Variants in PRMT8 observed in about 807,000 individuals in gnomAD.
PRMT8 encodes protein arginine N-methyltransferase 8.
Under a neutral mutation model 47.1 loss-of-function variants are expected in PRMT8, and 7 were observed. The ratio of observed to expected loss-of-function variants is 0.15; its 90% CI spans 0.08 to 0.28. The LOEUF (loss-of-function observed/expected upper bound fraction) is 0.28, where lower values mean the gene tolerates loss of function less well. Among genes scored for constraint, PRMT8 ranks in the 10% least tolerant of loss-of-function variants. The pLI, the probability that PRMT8 is intolerant of heterozygous loss-of-function variation, is 1.00. For missense variants in PRMT8, 237 were observed against 505.4 expected (o/e 0.47, Z 5.09); for synonymous variants, 188 against 186.5 (o/e 1.01, Z -0.07).
intron 1 of PRMT8, among the ~76,000 whole-genome samples, chr12:3,533,657 G>A (rs913606451): frequency 6.6e-6 from 1 of 152,218 alleles, no homozygotes; most frequent in African/African-American, 2.4e-5. Context: ...CTCTGAGGGG[G>A]CTGACTTCAT....
chr12:3,533,911 A>T (rs1591589693), intron 1 of PRMT8, among the ~76,000 whole-genome samples: 1 of 152,236 alleles, frequency 6.6e-6, no homozygotes, highest in African/African-American at 2.4e-5. Context: ...TGGAAGAGCT[A>T]ACCCTTTGTG....
At chr12:3,450,757 T>G (rs1864907620) in intron 1 of PRMT8, among the ~76,000 whole-genome samples, 1 of 152,266 alleles carries the variant, frequency 6.6e-6, no homozygotes, top group African/African-American at 2.4e-5. Flanking sequence ...TCACAGAGAC[T>G]ATTTTAAAAA....
chr12:3,392,664 A>G (rs181916215), intron 1 of PRMT8, among the ~76,000 whole-genome samples: 1,715 of 152,104 alleles, frequency 0.011, 38 homozygotes, highest in African/African-American at 0.039. Context: ...TAATGCCGCA[A>G]TAAACATACG....
intron 1 of PRMT8, among the ~76,000 whole-genome samples, chr12:3,438,235 C>T (rs959795274): frequency 3.3e-5 from 5 of 152,170 alleles, no homozygotes; most frequent in Admixed American, 6.5e-5. Context: ...TGGAGAGGGT[C>T]TTATGCAAGG....
chr12:3,499,307 T>C (rs1356784950), intron 1 of PRMT8, among the ~76,000 whole-genome samples: 1 of 111,020 alleles, frequency 9.0e-6, no homozygotes, highest in African/African-American at 3.7e-5. Context: ...TAATGTGTCA[T>C]CTAGCATTAG....
chr12:3,427,954 T>A (rs147412392), intron 1 of PRMT8, among the ~76,000 whole-genome samples: 1 of 152,354 alleles, frequency 6.6e-6, no homozygotes, highest in East Asian at 1.9e-4. Context: ...ATTGTTAACT[T>A]TTAGCAAATT....
chr12:3,591,792 A>T (rs150534657), intron 8 of PRMT8, among the ~76,000 whole-genome samples: 127 of 152,252 alleles, frequency 8.3e-4, no homozygotes, highest in African/African-American at 3.0e-3. Flanking sequence ...GAATGATGTC[A>T]TTTAAGGGGA....
chr12:3,569,697 C>T lies in PRMT8; in HGVS notation c.712+133C>T. On this transcript the variant is annotated intron_variant, in intron 6 of 9. Transcript: ENST00000382622. The surrounding 1 kb of genome is among the most constrained non-coding windows in gnomAD (Gnocchi z 8.2). Reference sequence around the variant, plus strand: ...CCTGAAGAGGAGCTTATCTGGGACCCTTTCTGGAGTCTGCTCTCTAAATGT... The same window carrying T: ...CCTGAAGAGGAGCTTATCTGGGACCTTTTCTGGAGTCTGCTCTCTAAATGT... 2 of 743,580 alleles carry T rather than the reference C, an allele frequency of 2.7e-6. No homozygotes were observed. The highest frequency in any genetic ancestry group is 1.5e-5 in the South Asian group (1 of 65,306). The allele number at this position is 743,580 out of a possible 1,614,324, so 46.1% of individuals were successfully genotyped here.
intron 1 of PRMT8, among the ~76,000 whole-genome samples, chr12:3,411,084 G>T (rs1261559750): frequency 6.6e-6 from 1 of 152,182 alleles, no homozygotes; most frequent in Non-Finnish European, 1.5e-5. Flanking sequence ...TGGAGGGCTG[G>T]TTTACTCTTG....
chr12:3,421,966 C>G lies in PRMT8; in HGVS notation c.48+40524C>G, dbSNP rs917573565. On this transcript the variant is annotated intron_variant, in intron 1 of 9. Transcript: ENST00000452611. ...GGCTCCAGCTCTGGGCAGCATGGCC[C>G]CCCTCCTCAGTGCACTCCCAGGGGC... 7.9e-5 allele frequency among the ~76,000 whole-genome samples: 12 copies of G among 152,150 alleles called. 1 individual carries two copies. The highest frequency in any genetic ancestry group is 5.9e-4 in the Admixed American group (9 of 15,290).
intron 1 of PRMT8, among the ~76,000 whole-genome samples, chr12:3,427,181 A>G (rs1864614571): frequency 6.6e-6 from 1 of 152,200 alleles, no homozygotes; most frequent in African/African-American, 2.4e-5. Context: ...TATACCAGAT[A>G]AGCTGAATTT....
chr12:3,525,059 TAA>T (rs1314240110), intron 1 of PRMT8, among the ~76,000 whole-genome samples: 2 of 152,044 alleles, frequency 1.3e-5, no homozygotes, highest in African/African-American at 4.8e-5. Context: ...CCATCACTAC[TAA>T]AAATACAAAA....
intron 2 of PRMT8, among the ~76,000 whole-genome samples, chr12:3,548,527 T>C (rs765316390): frequency 1.3e-5 from 2 of 152,140 alleles, no homozygotes; most frequent in African/African-American, 2.4e-5. Flanking sequence ...AGGACTTGAA[T>C]AGGCACTTCA....
intron 1 of PRMT8, among the ~76,000 whole-genome samples, chr12:3,383,789 T>A (rs1275287965): frequency 6.6e-6 from 1 of 152,234 alleles, no homozygotes; most frequent in African/African-American, 2.4e-5. Flanking sequence ...CCCTTGCACA[T>A]GTTTTGTTGG....
rs1261719258 is a variant in PRMT8, at chr12:3,557,978, G to A, written c.481+4264G>A. On this transcript the variant is annotated intron_variant, in intron 4 of 9. Transcript: ENST00000382622. This position sits in a 1 kb window ranked among gnomAD's most constrained non-coding sequence, Gnocchi z 4.7. ...ATTCCTGACCTCTGACCCAGCCCCT[G>A]ACTCTTCGTCTCCCTCTCAGTGCCA... 6.6e-6 allele frequency among the ~76,000 whole-genome samples: 1 copy of A among 152,084 alleles called. No individual in the cohort carries two copies. The highest frequency in any genetic ancestry group is 1.5e-5 in the Non-Finnish European group (1 of 68,010).
chr12:3,568,665 G>T, intron 4 of PRMT8, 41 bp from the exon 5 acceptor site: 3 of 1,612,590 alleles, frequency 1.9e-6, no homozygotes, highest in Non-Finnish European at 2.5e-6. Context: ...TTCCTGGGTG[G>T]GGTCCCTGCA....
At chr12:3,408,326 A>C (rs184096434) in intron 1 of PRMT8, among the ~76,000 whole-genome samples, 1 of 151,854 alleles carries the variant, frequency 6.6e-6, no homozygotes, top group Admixed American at 6.6e-5. Context: ...CTCCACCTCC[A>C]GGGCTCAAGT....
chr12:3,483,626 C>A (rs1865295332), intron 1 of PRMT8, among the ~76,000 whole-genome samples: 1 of 152,170 alleles, frequency 6.6e-6, no homozygotes, highest in African/African-American at 2.4e-5. Context: ...AGCAACCTGG[C>A]CCCCTGCTTT....
chr12:3,546,915 A>G (rs932216458), intron 2 of PRMT8, among the ~76,000 whole-genome samples: 1 of 152,232 alleles, frequency 6.6e-6, no homozygotes, highest in Non-Finnish European at 1.5e-5. Flanking sequence ...TTAGCAAAAA[A>G]CACCCAGCAA....
Sources: gnomAD v4.1 joint callset for allele counts (sites outside exome capture counted in the v4.1 genomes callset) on GRCh38, gnomAD v4.1.1 for gene constraint, Gnocchi (gnomAD v3.1) non-coding constraint, MANE v1.5 for transcripts, NCBI Gene and HGNC (gene_info 2026-07-23, HGNC 2026-07-21) for gene names.